PIK3C2G: variants seen among roughly 807,000 people sequenced by gnomAD.
The protein encoded by PIK3C2G is phosphatidylinositol 3-kinase C2 domain-containing subunit gamma.
In PIK3C2G, 168 loss-of-function variants were observed where a neutral mutation model predicts 181.1. The observed-to-expected ratio is 0.93, with a 90% CI of 0.82 to 1.05. The LOEUF (loss-of-function observed/expected upper bound fraction) is 1.05, where lower values mean the gene tolerates loss of function less well. Ranked by LOEUF, PIK3C2G falls within the 50% of genes least tolerant of loss-of-function variation. PIK3C2G has a pLI of 0.00. For synonymous variants in PIK3C2G, 573 were observed against 592.2 expected (o/e 0.97, Z 0.47); for missense variants, 1,869 against 1,732.8 (o/e 1.08, Z -1.40).
chr12:18,692,444 A>T, the PIK3C2G span, among the ~76,000 whole-genome samples: 2 of 152,208 alleles, frequency 1.3e-5, no homozygotes, highest in African/African-American at 4.8e-5. Context: ...TAGAGGAAAA[A>T]GAAAAACGTT....
At chr12:18,452,179 C>T (rs1315768548) in intron 18 of PIK3C2G, among the ~76,000 whole-genome samples, 3 of 152,238 alleles carry the variant, frequency 2.0e-5, no homozygotes, top group East Asian at 1.9e-4. Context: ...TGGTAGAATT[C>T]GGCTGTCAAT....
At chr12:18,433,308 T>C (rs927025364) in intron 18 of PIK3C2G, among the ~76,000 whole-genome samples, 4 of 151,496 alleles carry the variant, frequency 2.6e-5, no homozygotes, top group Non-Finnish European at 5.9e-5. Context: ...AGATCAGGAG[T>C]TTCAGACCAG....
chr12:18,303,445 C>T (rs975658818), intron 5 of PIK3C2G, among the ~76,000 whole-genome samples: 4 of 152,068 alleles, frequency 2.6e-5, no homozygotes, highest in Non-Finnish European at 5.9e-5. Flanking sequence ...AATCAATTCT[C>T]CTGCCTCAGC....
intron 11 of PIK3C2G, among the ~76,000 whole-genome samples, chr12:18,349,376 G>A (rs1222947328): frequency 1.3e-5 from 2 of 152,198 alleles, no homozygotes; most frequent in Non-Finnish European, 2.9e-5. Context: ...CATAATTAAT[G>A]TCAGCAAGTG....
At chr12:18,463,311 T>C (rs767340867) in intron 18 of PIK3C2G, among the ~76,000 whole-genome samples, 3 of 152,202 alleles carry the variant, frequency 2.0e-5, no homozygotes, top group Non-Finnish European at 4.4e-5. Flanking sequence ...ATGGAAATTA[T>C]ATAAGGCAGC....
the PIK3C2G span, among the ~76,000 whole-genome samples, chr12:18,665,934 C>CAAA: frequency 3.9e-5 from 5 of 128,448 alleles, no homozygotes; most frequent in Non-Finnish European, 1.6e-5. Context: ...GACTCCATCT[C>CAAA]AAAAAAAAAA....
At chr12:18,654,311 A>AAAAG in the PIK3C2G span, among the ~76,000 whole-genome samples, 1 of 149,194 alleles carries the variant, frequency 6.7e-6, no homozygotes, top group African/African-American at 2.5e-5. Flanking sequence ...AAAAAAAAAA[A>AAAAG]TCTATCAGAT....
chr12:18,643,344 G>A (rs925669177), intron 32 of PIK3C2G, among the ~76,000 whole-genome samples: 1 of 151,708 alleles, frequency 6.6e-6, no homozygotes, highest in Non-Finnish European at 1.5e-5. Flanking sequence ...AAATTGCTTC[G>A]AAAGCCATGG....
intron 8 of PIK3C2G, among the ~76,000 whole-genome samples, chr12:18,336,209 T>C (rs1018551316): frequency 6.6e-6 from 1 of 152,150 alleles, no homozygotes; most frequent in Non-Finnish European, 1.5e-5. Context: ...TTTTATCTAA[T>C]TTAATCTTTA....
intron 1 of PIK3C2G, among the ~76,000 whole-genome samples, chr12:18,253,567 T>A (rs1206002097): frequency 1.3e-5 from 2 of 152,190 alleles, no homozygotes; most frequent in East Asian, 3.9e-4. Flanking sequence ...ATTTCAGAAG[T>A]ACAGGAGAAG....
intron 25 of PIK3C2G, among the ~76,000 whole-genome samples, chr12:18,540,866 T>G (rs1163622910): frequency 6.6e-6 from 1 of 151,828 alleles, no homozygotes; most frequent in Non-Finnish European, 1.5e-5. Context: ...CAGCACTGTG[T>G]TATTACCTCA....
chr12:18,543,636 T>C (rs1944279668), intron 25 of PIK3C2G, among the ~76,000 whole-genome samples: 1 of 152,006 alleles, frequency 6.6e-6, no homozygotes, highest in Admixed American at 6.6e-5. Flanking sequence ...ACAGCATTTG[T>C]TGAATAGGGA....
chr12:18,428,954 C>G (rs1945995805), intron 18 of PIK3C2G, among the ~76,000 whole-genome samples: 1 of 152,164 alleles, frequency 6.6e-6, no homozygotes, highest in Non-Finnish European at 1.5e-5. Context: ...AACACTTTAA[C>G]CACTAGTCAA....
intron 7 of PIK3C2G, among the ~76,000 whole-genome samples, chr12:18,322,864 A>G (rs74070214): frequency 0.013 from 2,004 of 152,316 alleles, 50 homozygotes; most frequent in African/African-American, 0.046. Flanking sequence ...TTTCTGTTGT[A>G]TAACATACAA....
chr12:18,709,195 TG>T, the PIK3C2G span, among the ~76,000 whole-genome samples: 7 of 152,268 alleles, frequency 4.6e-5, no homozygotes, highest in African/African-American at 1.4e-4. Context: ...TTGTTGTGTA[TG>T]GTATAAGATA....
At chr12:18,574,411 A>C (rs1174123036) in intron 29 of PIK3C2G, among the ~76,000 whole-genome samples, 1 of 152,194 alleles carries the variant, frequency 6.6e-6, no homozygotes, top group East Asian at 1.9e-4. Flanking sequence ...CTTATCTGTA[A>C]CATTCAGTTT....
rs780985999 is a variant in PIK3C2G at position 18,538,229 on chromosome 12, T to A, written c.3397T>A (p.Phe1133Ile). ...AGAGGGTGGGAAAAACCCACAGCAT[T>A]TTCAAGATTTTGTGGAACTTTGCTG... ...ITEGGKNPQHFQDFVELCCRA... is the reference protein window; with the variant it reads ...ITEGGKNPQHIQDFVELCCRA... Residue 1133 changes from phenylalanine to isoleucine, a missense_variant, in exon 25 of 33, where the codon TTT becomes ATT. Coordinates refer to ENST00000538779, the MANE Select transcript of PIK3C2G (RefSeq NM_001288772.2). 4 of 1,612,470 alleles carry A rather than the reference T, an allele frequency of 2.5e-6. No individual in the cohort carries two copies. The Admixed American group carries it at 6.7e-5, about 27-fold the overall frequency.
intron 26 of PIK3C2G, among the ~76,000 whole-genome samples, chr12:18,559,821 T>TATATATATATAG (rs1945244509): frequency 1.1e-4 from 2 of 18,370 alleles, no homozygotes; most frequent in Non-Finnish European, 1.9e-4. Flanking sequence ...TATATATATA[T>TATATATATATAG]AGAGAGAGAG....
At chr12:18,532,810 G>A (rs571771141) in intron 24 of PIK3C2G, among the ~76,000 whole-genome samples, 19 of 152,144 alleles carry the variant, frequency 1.2e-4, no homozygotes, top group Admixed American at 4.6e-4. Flanking sequence ...GGCTGGTGTA[G>A]GGGAGAAGTG....
Sources: gnomAD v4.1 joint callset for allele counts (sites outside exome capture counted in the v4.1 genomes callset) on GRCh38, gnomAD v4.1.1 for gene constraint, MANE v1.5 for transcripts, NCBI Gene and HGNC (gene_info 2026-07-23, HGNC 2026-07-21) for gene names.